The following GALNTL6 variants were observed in gnomAD, a reference collection of about 807,000 sequenced individuals.
The protein encoded by GALNTL6 is polypeptide N-acetylgalactosaminyltransferase like 6, also known as polypeptide N-acetylgalactosaminyltransferase-like 6.
A neutral mutation model predicts 73.7 loss-of-function variants in GALNTL6; 46 were observed. The observed-to-expected ratio is 0.62, with a 90% CI of 0.49 to 0.80. The LOEUF is 0.80. Ranked by LOEUF, GALNTL6 falls within the 30% of genes least tolerant of loss-of-function variation. GALNTL6 has a pLI of 0.00. For missense variants in GALNTL6, 604 were observed against 755.0 expected (o/e 0.80, Z 2.34); for synonymous variants, 259 against 263.7 (o/e 0.98, Z 0.17).
chr4:172,965,410 C>T (rs1225657714), intron 10 of GALNTL6, among the ~76,000 whole-genome samples: 3 of 151,878 alleles, frequency 2.0e-5, no homozygotes, highest in Admixed American at 6.6e-5. Context: ...GGTGAAACCC[C>T]GTCTCTACTA....
At chr4:172,101,037 C>T (rs1010826172) in intron 2 of GALNTL6, among the ~76,000 whole-genome samples, 3 of 152,146 alleles carry the variant, frequency 2.0e-5, no homozygotes, top group East Asian at 1.9e-4. Context: ...TTGATAGGCT[C>T]ATTGGAAAAC....
intron 2 of GALNTL6, among the ~76,000 whole-genome samples, chr4:172,048,023 C>T (rs769098341): frequency 5.9e-5 from 9 of 152,136 alleles, no homozygotes; most frequent in South Asian, 2.1e-4. Flanking sequence ...ACATCGCAAA[C>T]TCTTTGTGTA....
intron 2 of GALNTL6, among the ~76,000 whole-genome samples, chr4:172,163,764 T>A (rs1032976978): frequency 6.6e-6 from 1 of 151,990 alleles, no homozygotes; most frequent in Admixed American, 6.6e-5. Context: ...AATGTAAGCC[T>A]CAATGGAAAT....
intron 2 of GALNTL6, among the ~76,000 whole-genome samples, chr4:172,165,526 T>C (rs1734595230): frequency 6.6e-6 from 1 of 152,178 alleles, no homozygotes; most frequent in Non-Finnish European, 1.5e-5. Flanking sequence ...GAATGACCCA[T>C]GTGGCAAGTT....
intron 2 of GALNTL6, among the ~76,000 whole-genome samples, chr4:172,166,594 G>A (rs552599475): frequency 8.6e-5 from 13 of 152,010 alleles, no homozygotes; most frequent in South Asian, 2.1e-4. Flanking sequence ...TAAATAATTC[G>A]TATTATCAAT....
intron 7 of GALNTL6, among the ~76,000 whole-genome samples, chr4:172,851,822 G>A (rs1743835265): frequency 6.6e-6 from 1 of 152,068 alleles, no homozygotes; most frequent in Admixed American, 6.6e-5. Flanking sequence ...AGAGTGCTGG[G>A]TCACAGCAAC....
At chr4:172,467,999 T>A (rs1254097805) in intron 5 of GALNTL6, among the ~76,000 whole-genome samples, 1 of 151,594 alleles carries the variant, frequency 6.6e-6, no homozygotes, top group Admixed American at 6.6e-5. Context: ...GCTCAGGTGA[T>A]CCTCCTACTT....
intron 2 of GALNTL6, among the ~76,000 whole-genome samples, chr4:171,957,834 C>T (rs427667): frequency 0.48 from 72,408 of 151,844 alleles, 17,756 homozygotes; most frequent in East Asian, 0.59. Context: ...CAGATGTCCT[C>T]GTGAGTATGC....
chr4:172,004,453 A>G (rs2110765737), intron 2 of GALNTL6, among the ~76,000 whole-genome samples: 2 of 152,004 alleles, frequency 1.3e-5, no homozygotes, highest in Middle Eastern at 3.4e-3. Context: ...CTCTATTTCT[A>G]CCTCCTGGAT....
At chr4:172,393,941 A>T (rs1212658438) in intron 5 of GALNTL6, among the ~76,000 whole-genome samples, 1 of 152,166 alleles carries the variant, frequency 6.6e-6, no homozygotes, top group Non-Finnish European at 1.5e-5. Context: ...TGATAAATGG[A>T]ATATATATTA....
intron 5 of GALNTL6, among the ~76,000 whole-genome samples, chr4:172,521,754 A>G (rs1439877083): frequency 6.6e-6 from 1 of 152,184 alleles, no homozygotes; most frequent in Admixed American, 6.5e-5. Context: ...ATCTATTTCA[A>G]ATATCCAGAG....
At chr4:172,128,751 T>A (rs1011681446) in intron 2 of GALNTL6, among the ~76,000 whole-genome samples, 13 of 152,350 alleles carry the variant, frequency 8.5e-5, no homozygotes, top group African/African-American at 3.1e-4. Context: ...GGATTTTTAA[T>A]AACCAATCTT....
chr4:171,984,670 T>C (rs949645211), intron 2 of GALNTL6, among the ~76,000 whole-genome samples: 1 of 152,082 alleles, frequency 6.6e-6, no homozygotes, highest in Admixed American at 6.5e-5. Flanking sequence ...ATTGTGTTTC[T>C]AAAGAGCTAA....
chr4:171,997,216 G>A (rs1740521314), intron 2 of GALNTL6, among the ~76,000 whole-genome samples: 1 of 152,058 alleles, frequency 6.6e-6, no homozygotes, highest in South Asian at 2.1e-4. Flanking sequence ...ATGCTTTGTT[G>A]ACCTGGATCA....
chr4:172,707,608 C>G (rs1553975753), intron 5 of GALNTL6, among the ~76,000 whole-genome samples: 1 of 152,166 alleles, frequency 6.6e-6, no homozygotes, highest in African/African-American at 2.4e-5. Flanking sequence ...CAAAATTATT[C>G]TGCATTTGTT....
intron 5 of GALNTL6, among the ~76,000 whole-genome samples, chr4:172,777,794 T>C (rs1225500131): frequency 1.3e-5 from 2 of 152,208 alleles, no homozygotes; most frequent in Admixed American, 6.5e-5. Context: ...TATTTACAAA[T>C]GGGTCTGTCT....
At chr4:171,997,198 A>G (rs1226105843) in intron 2 of GALNTL6, among the ~76,000 whole-genome samples, 1 of 152,126 alleles carries the variant, frequency 6.6e-6, no homozygotes, top group Non-Finnish European at 1.5e-5. Context: ...AACCTGGTAG[A>G]GCAAACCATG....
intron 5 of GALNTL6, among the ~76,000 whole-genome samples, chr4:172,641,766 T>C (rs940421040): frequency 1.3e-5 from 2 of 152,138 alleles, no homozygotes; most frequent in Non-Finnish European, 2.9e-5. Context: ...TTTTTATCTG[T>C]CTTCCAAAAT....
At chr4:171,901,575 A>C (rs1271137692) in intron 2 of GALNTL6, among the ~76,000 whole-genome samples, 1 of 152,238 alleles carries the variant, frequency 6.6e-6, no homozygotes, top group Non-Finnish European at 1.5e-5. Flanking sequence ...TCAGGACCAG[A>C]CCATGTTCAT....
Sources: gnomAD v4.1 joint callset for allele counts (sites outside exome capture counted in the v4.1 genomes callset) on GRCh38, gnomAD v4.1.1 for gene constraint, MANE v1.5 for transcripts, NCBI Gene and HGNC (gene_info 2026-07-23, HGNC 2026-07-21) for gene names.